The following PRDM11 variants were observed in gnomAD, a reference collection of about 807,000 sequenced individuals.
The protein encoded by PRDM11 is PR/SET domain 11, also known as PR domain-containing protein 11.
In PRDM11, 20 loss-of-function variants were observed where a neutral mutation model predicts 97.8. That is an observed-to-expected ratio of 0.20 (90% CI 0.14 to 0.30). The LOEUF (loss-of-function observed/expected upper bound fraction) is 0.30, where lower values mean the gene tolerates loss of function less well. Among genes scored for constraint, PRDM11 ranks in the 10% least tolerant of loss-of-function variants. The probability of loss-of-function intolerance (pLI) is 1.00; values close to 1 mark genes in which losing one functional copy is unlikely to be tolerated. For missense variants in PRDM11, 1,139 were observed against 1,555.2 expected (o/e 0.73, Z 4.50); for synonymous variants, 599 against 637.7 (o/e 0.94, Z 0.91).
At chr11:45,207,888 C>A (rs148304762) in intron 5 of PRDM11, among the ~76,000 whole-genome samples, 1 of 152,192 alleles carries the variant, frequency 6.6e-6, no homozygotes, top group South Asian at 2.1e-4. Flanking sequence ...GGAGTGAATG[C>A]GCTCTGAGCT....
At chr11:45,099,899 T>A (rs1851943616) in intron 1 of PRDM11, among the ~76,000 whole-genome samples, 1 of 152,212 alleles carries the variant, frequency 6.6e-6, no homozygotes, top group Non-Finnish European at 1.5e-5. Flanking sequence ...TTACTCTTAC[T>A]TCACCCGCTG....
chr11:45,140,939 C>T (rs542451341), intron 1 of PRDM11, among the ~76,000 whole-genome samples: 48 of 152,280 alleles, frequency 3.2e-4, no homozygotes, highest in African/African-American at 1.1e-3. Context: ...AATTCCAATA[C>T]TCAACACCAT....
intron 1 of PRDM11, among the ~76,000 whole-genome samples, chr11:45,167,428 A>C (rs1237829622): frequency 6.6e-6 from 1 of 152,130 alleles, no homozygotes; most frequent in Non-Finnish European, 1.5e-5. Flanking sequence ...AAACATCAGG[A>C]TCATCAGTAG....
chr11:45,119,901 T>C (rs986260657), intron 1 of PRDM11, among the ~76,000 whole-genome samples: 1 of 151,894 alleles, frequency 6.6e-6, no homozygotes, highest in Non-Finnish European at 1.5e-5. Flanking sequence ...GAACAAAAAA[T>C]AGCAGAGCCA....
At chr11:45,124,184 T>C (rs1480494939) in intron 1 of PRDM11, among the ~76,000 whole-genome samples, 13 of 151,598 alleles carry the variant, frequency 8.6e-5, no homozygotes, top group Admixed American at 5.3e-4. Context: ...GTGATTTTTG[T>C]ACATTGATTT....
intron 4 of PRDM11, among the ~76,000 whole-genome samples, chr11:45,187,971 T>G (rs577057401): frequency 3.5e-4 from 54 of 152,198 alleles, no homozygotes; most frequent in African/African-American, 1.3e-3. Flanking sequence ...GTGCTGATTT[T>G]TGGACCAAGA....
At chr11:45,107,237 G>C (rs1852077536) in intron 1 of PRDM11, among the ~76,000 whole-genome samples, 2 of 152,190 alleles carry the variant, frequency 1.3e-5, no homozygotes, top group Non-Finnish European at 2.9e-5. Context: ...CAGATGCTCT[G>C]CTCAGCCCAC....
At chr11:45,198,497 A>G (rs970850310) in intron 4 of PRDM11, among the ~76,000 whole-genome samples, 9 of 152,250 alleles carry the variant, frequency 5.9e-5, no homozygotes, top group African/African-American at 2.2e-4. Flanking sequence ...GAAGAAATGC[A>G]GGATTGAATT....
chr11:45,197,607 C>T (rs1360405774), intron 4 of PRDM11, among the ~76,000 whole-genome samples: 1 of 152,106 alleles, frequency 6.6e-6, no homozygotes, highest in Non-Finnish European at 1.5e-5. Context: ...TATTTCCAAA[C>T]TCATCAAGTT....
chr11:45,114,024 T>A (rs374937695), intron 1 of PRDM11, among the ~76,000 whole-genome samples: 5 of 152,196 alleles, frequency 3.3e-5, no homozygotes, highest in Middle Eastern at 3.4e-3. Flanking sequence ...TCTTGTCTGG[T>A]TGCTCTGGCC....
chr11:45,168,679 C>T (rs1031385279), intron 1 of PRDM11, among the ~76,000 whole-genome samples: 1 of 152,210 alleles, frequency 6.6e-6, no homozygotes, highest in African/African-American at 2.4e-5. Context: ...GATCACTTAA[C>T]ACTCTCTGGC....
At chr11:45,210,008 G>C (rs898112728) in intron 5 of PRDM11, among the ~76,000 whole-genome samples, 1 of 152,198 alleles carries the variant, frequency 6.6e-6, no homozygotes, top group Non-Finnish European at 1.5e-5. Flanking sequence ...TCAGGAAGGC[G>C]CTTGGCACGT....
At chr11:45,188,773 G>A (rs1329564115) in intron 4 of PRDM11, among the ~76,000 whole-genome samples, 1 of 152,206 alleles carries the variant, frequency 6.6e-6, no homozygotes, top group East Asian at 1.9e-4. Flanking sequence ...AGATCACCCA[G>A]GCTACCCTCA....
chr11:45,095,667 AC>A, upstream of PRDM11: 1 of 617,116 alleles, frequency 1.6e-6, no homozygotes, highest in Non-Finnish European at 2.9e-6. Flanking sequence ...TAGAACTGCA[AC>A]CCCTGGGACA....
intron 1 of PRDM11, among the ~76,000 whole-genome samples, chr11:45,156,156 C>G (rs545008524): frequency 1.3e-5 from 2 of 152,180 alleles, no homozygotes; most frequent in East Asian, 3.9e-4. Flanking sequence ...GGCTAACTTA[C>G]AGATTCCAAG....
rs146061505 is a variant in PRDM11 at position 45,153,148 on chromosome 11, G to A, written c.-7+6271G>A. ...AGATGGGTTGGGGCTTGGTTCTGGAGGCCAGTTGTTTCCCCGAGTGTGCCT... is the reference window on the plus strand; with the variant it reads ...AGATGGGTTGGGGCTTGGTTCTGGAAGCCAGTTGTTTCCCCGAGTGTGCCT... On this transcript the variant is annotated intron_variant, in intron 1 of 7. Transcript: ENST00000683152. Among the ~76,000 whole-genome samples the A allele has an allele frequency of 4.0e-3, 612 of 152,340 alleles. 5 individuals are homozygous for A. The highest frequency in any genetic ancestry group is 0.014 in the African/African-American group (591 of 41,588).
At chr11:45,189,181 T>C (rs1430582937) in intron 4 of PRDM11, among the ~76,000 whole-genome samples, 6 of 152,112 alleles carry the variant, frequency 3.9e-5, no homozygotes. Context: ...GATTACAGGC[T>C]TGAGCCACCA....
At chr11:45,135,466 G>A (rs1852821387) in intron 1 of PRDM11, among the ~76,000 whole-genome samples, 1 of 152,080 alleles carries the variant, frequency 6.6e-6, no homozygotes, top group South Asian at 2.1e-4. Flanking sequence ...TAGCTGGTCA[G>A]AATATACATT....
chr11:45,148,080 TC>T lies in PRDM11; in HGVS notation c.-7+1204del, dbSNP rs1851567570. ...TAGGGTCATTGTTGGAGGTGTAGGG[TC>T]GTAGTTGGGGAGCAGGGCACAGTCT... On this transcript the variant is annotated intron_variant, in intron 1 of 7. Coordinates refer to ENST00000683152, the MANE Select transcript of PRDM11 (RefSeq NM_001384648.1). Among the ~76,000 whole-genome samples, 7 of 151,838 alleles carry T rather than the reference TC, an allele frequency of 4.6e-5. No individual in the cohort carries two copies. The South Asian group carries it at 8.3e-4, about 18-fold the overall frequency.
Sources: allele counts gnomAD v4.1 joint callset (sites outside exome capture counted in the v4.1 genomes callset), GRCh38; gene constraint gnomAD v4.1.1; transcripts MANE v1.5; gene names NCBI Gene and HGNC (gene_info 2026-07-23, HGNC 2026-07-21).